The following PLSCR2 variants were observed in gnomAD, a reference collection of about 807,000 sequenced individuals.
The protein encoded by PLSCR2 is PL scramblase 2.
PLSCR2 carries 18 observed loss-of-function variants against 25.3 expected under a neutral mutation model. The observed-to-expected ratio is 0.71, with a 90% CI of 0.49 to 1.06. The LOEUF (loss-of-function observed/expected upper bound fraction) is 1.06. Among genes scored for constraint, PLSCR2 ranks in the 50% least tolerant of loss-of-function variants. The pLI is 0.00. For synonymous variants in PLSCR2, 88 were observed against 87.3 expected, an observed-to-expected ratio of 1.01 and a Z score of -0.04; for missense variants, 243 against 269.5, an observed-to-expected ratio of 0.90 and a Z score of 0.69.
intron 1 of PLSCR2, among the ~76,000 whole-genome samples, chr3:146,480,638 T>C (rs2043096224): frequency 2.2e-5 from 3 of 135,062 alleles, no homozygotes; most frequent in African/African-American, 8.4e-5. Flanking sequence ...GATTCACAGC[T>C]GAATTCTACC....
At chr3:146,407,979 C>A (rs933692923) in intron 2 of PLSCR2, among the ~76,000 whole-genome samples, 10 of 152,236 alleles carry the variant, frequency 6.6e-5, no homozygotes, top group African/African-American at 2.4e-4. Flanking sequence ...GATTTAAACA[C>A]CTTGTGGGAG....
At chr3:146,423,615 C>T (rs188087548) in intron 2 of PLSCR2, among the ~76,000 whole-genome samples, 51 of 151,906 alleles carry the variant, frequency 3.4e-4, no homozygotes, top group African/African-American at 1.2e-3. Flanking sequence ...GATTTGTGCA[C>T]CTTAAAATAT....
chr3:146,458,561 TC>T, intron 2 of PLSCR2, 108 bp from the exon 3 acceptor site: 1 of 727,386 alleles, frequency 1.4e-6, no homozygotes, highest in Non-Finnish European at 1.9e-6. Flanking sequence ...TCGACATTTA[TC>T]AATATCAAAT....
At chr3:146,392,386 C>T (rs935617204) in intron 3 of PLSCR2, among the ~76,000 whole-genome samples, 1 of 151,882 alleles carries the variant, frequency 6.6e-6, no homozygotes, top group African/African-American at 2.4e-5. Flanking sequence ...ACATGATAAA[C>T]AAAAAATGGT....
At chr3:146,495,779 C>G in intron 1 of PLSCR2, 1 of 695,158 alleles carries the variant, frequency 1.4e-6, no homozygotes, top group Non-Finnish European at 2.4e-6. Flanking sequence ...GTTTAAGGTC[C>G]CCATTAGGTA....
At chr3:146,446,758 T>C (rs141167835) in intron 6 of PLSCR2, among the ~76,000 whole-genome samples, 10 of 152,288 alleles carry the variant, frequency 6.6e-5, no homozygotes, top group Admixed American at 5.2e-4. Context: ...AGTTCCCTCA[T>C]GGTCCTGGGT....
At chr3:146,483,503 A>G (rs2043230094) in intron 1 of PLSCR2, among the ~76,000 whole-genome samples, 1 of 120,176 alleles carries the variant, frequency 8.3e-6, no homozygotes, top group African/African-American at 3.4e-5. Flanking sequence ...ATATATATAT[A>G]TATATAATGT....
At chr3:146,438,452 A>G (rs985789344), downstream of PLSCR2, among the ~76,000 whole-genome samples, 1 of 151,968 alleles carries the variant, frequency 6.6e-6, no homozygotes, top group Non-Finnish European at 1.5e-5. Flanking sequence ...ATGAATCTGG[A>G]TTCTCCTGTA....
intron 5 of PLSCR2, among the ~76,000 whole-genome samples, chr3:146,452,098 A>G (rs1364382097): frequency 1.3e-5 from 2 of 152,098 alleles, no homozygotes; most frequent in Admixed American, 1.3e-4. Flanking sequence ...TGGAATTTGA[A>G]ATTGGGAACA....
At chr3:146,436,130 A>T (rs1404798161) in intron 8 of PLSCR2, among the ~76,000 whole-genome samples, 1 of 152,084 alleles carries the variant, frequency 6.6e-6, no homozygotes, top group African/African-American at 2.4e-5. Flanking sequence ...CCATTGGTCT[A>T]TATCTCTGTT....
chr3:146,440,494 C>A (rs951480490), downstream of PLSCR2, among the ~76,000 whole-genome samples: 10 of 152,236 alleles, frequency 6.6e-5, no homozygotes, highest in Non-Finnish European at 2.9e-5. Context: ...CTTCCCCAGC[C>A]TCGCTGCCAC....
At chr3:146,399,641 C>G (rs1028033692) in intron 2 of PLSCR2, among the ~76,000 whole-genome samples, 3 of 151,632 alleles carry the variant, frequency 2.0e-5, no homozygotes. Flanking sequence ...ATATTCTGTC[C>G]TCTTCTATTC....
chr3:146,396,624 G>A (rs1340008603), intron 2 of PLSCR2, among the ~76,000 whole-genome samples: 1 of 152,096 alleles, frequency 6.6e-6, no homozygotes, highest in African/African-American at 2.4e-5. Flanking sequence ...AGAGAAATAG[G>A]AAGACAGACA....
chr3:146,461,818 T>G, upstream of PLSCR2: 1 of 834,932 alleles, frequency 1.2e-6, no homozygotes, highest in South Asian at 1.4e-5. Flanking sequence ...TTATCCCAGG[T>G]GTCATTGATA....
chr3:146,397,854 C>G (rs1559966727), intron 2 of PLSCR2, among the ~76,000 whole-genome samples: 1 of 151,812 alleles, frequency 6.6e-6, no homozygotes, highest in Non-Finnish European at 1.5e-5. Flanking sequence ...CCAAACTAAC[C>G]ATATTATTAA....
chr3:146,495,561 C>G (rs925374605), intron 1 of PLSCR2, among the ~76,000 whole-genome samples: 1 of 151,710 alleles, frequency 6.6e-6, no homozygotes, highest in African/African-American at 2.4e-5. Context: ...AAATAGACCC[C>G]AGAAAGACCC....
chr3:146,396,306 C>G (rs2038269338), intron 2 of PLSCR2, among the ~76,000 whole-genome samples: 1 of 152,086 alleles, frequency 6.6e-6, no homozygotes, highest in South Asian at 2.1e-4. Context: ...GTTCCCTTTA[C>G]TTTTTCCTCA....
At chr3:146,464,760 T>C (rs1398802004), upstream of PLSCR2, among the ~76,000 whole-genome samples, 4 of 152,202 alleles carry the variant, frequency 2.6e-5, no homozygotes, top group South Asian at 4.1e-4. Flanking sequence ...AGTACATCTC[T>C]TTTAAAGTAA....
chr3:146,483,579 T>C (rs1452996891), intron 1 of PLSCR2, among the ~76,000 whole-genome samples: 1 of 148,202 alleles, frequency 6.7e-6, no homozygotes, highest in Non-Finnish European at 1.5e-5. Flanking sequence ...CAGGCACCCA[T>C]CTTTGCTGTT....
Sources: gnomAD v4.1 joint callset for allele counts (sites outside exome capture counted in the v4.1 genomes callset) on GRCh38, gnomAD v4.1.1 for gene constraint, MANE v1.5 for transcripts, NCBI Gene and HGNC (gene_info 2026-07-23, HGNC 2026-07-21) for gene names.